The following GALNTL6 variants were observed in gnomAD, a reference collection of about 807,000 sequenced individuals.
GALNTL6 encodes the protein polypeptide N-acetylgalactosaminyltransferase-like 6.
Under a neutral mutation model 73.7 loss-of-function variants are expected in GALNTL6, and 46 were observed. The observed-to-expected ratio is 0.62, with a 90% CI of 0.49 to 0.80. GALNTL6 has a LOEUF of 0.80. Ranked by LOEUF, GALNTL6 falls within the 30% of genes least tolerant of loss-of-function variation. The pLI is 0.00. For missense variants in GALNTL6, 604 were observed against 755.0 expected, an observed-to-expected ratio of 0.80 and a Z score of 2.34; for synonymous variants, 259 against 263.7, an observed-to-expected ratio of 0.98 and a Z score of 0.17.
At chr4:172,095,255 G>C (rs1308173676) in intron 2 of GALNTL6, among the ~76,000 whole-genome samples, 1 of 152,026 alleles carries the variant, frequency 6.6e-6, no homozygotes, top group African/African-American at 2.4e-5. Flanking sequence ...ATCATCTCTA[G>C]GGCTCTGAGG....
chr4:172,197,658 C>G (rs1735816756), intron 2 of GALNTL6, among the ~76,000 whole-genome samples: 1 of 152,260 alleles, frequency 6.6e-6, no homozygotes, highest in Non-Finnish European at 1.5e-5. Flanking sequence ...ATCTAATCTT[C>G]TACAAACCTG....
intron 5 of GALNTL6, among the ~76,000 whole-genome samples, chr4:172,428,152 A>G (rs1731297523): frequency 6.6e-6 from 1 of 152,180 alleles, no homozygotes; most frequent in Admixed American, 6.5e-5. Flanking sequence ...CAAAATTTTT[A>G]GTATAACTAC....
chr4:172,753,551 A>T (rs1361951160), intron 5 of GALNTL6, among the ~76,000 whole-genome samples: 1 of 152,168 alleles, frequency 6.6e-6, no homozygotes, highest in African/African-American at 2.4e-5. Flanking sequence ...TTTTAAGACT[A>T]TTGCAAGATT....
Position 172,483,240 on chromosome 4 carries a change from A to G in GALNTL6, c.553+134551A>G, listed in dbSNP as rs535958158. ...AGAGGTTTCAAAAGAGGCAGAGGTCAGGGGAGGGGATAAGGGAAGCTTTCA... is the reference window on the plus strand; with the variant it reads ...AGAGGTTTCAAAAGAGGCAGAGGTCGGGGGAGGGGATAAGGGAAGCTTTCA... On this transcript the variant is annotated intron_variant, in intron 5 of 12. Transcript: ENST00000506823. Among the ~76,000 whole-genome samples, 140 of 152,278 alleles carry G rather than the reference A, an allele frequency of 9.2e-4. 2 individuals are homozygous for G. The highest frequency in any genetic ancestry group is 3.3e-3 in the African/African-American group (137 of 41,556).
chr4:172,842,427 T>C (rs73000145), intron 7 of GALNTL6, among the ~76,000 whole-genome samples: 3,290 of 152,278 alleles, frequency 0.022, 126 homozygotes, highest in African/African-American at 0.075. Context: ...TTCCTGAAGG[T>C]CTACTAGAGC....
chr4:172,225,366 T>C (rs1199548813), intron 2 of GALNTL6, among the ~76,000 whole-genome samples: 1 of 151,900 alleles, frequency 6.6e-6, no homozygotes, highest in Non-Finnish European at 1.5e-5. Context: ...GCCCTCAATA[T>C]GAAAAAGATT....
At chr4:171,851,465 T>G (rs1735521014) in intron 2 of GALNTL6, among the ~76,000 whole-genome samples, 1 of 152,238 alleles carries the variant, frequency 6.6e-6, no homozygotes, top group African/African-American at 2.4e-5. Flanking sequence ...CCTGAGAGAC[T>G]GTTATATATT....
chr4:172,677,661 A>G (rs1265045161), intron 5 of GALNTL6, among the ~76,000 whole-genome samples: 1 of 152,036 alleles, frequency 6.6e-6, no homozygotes, highest in Non-Finnish European at 1.5e-5. Context: ...GGTGGCCAAC[A>G]CCTGTAATCC....
chr4:172,465,089 CT>C (rs1384591225), intron 5 of GALNTL6, among the ~76,000 whole-genome samples: 1 of 152,146 alleles, frequency 6.6e-6, no homozygotes, highest in Non-Finnish European at 1.5e-5. Context: ...TCTTTGACAT[CT>C]TTTACTTTGT....
At chr4:172,622,626 C>G (rs1458076965) in intron 5 of GALNTL6, among the ~76,000 whole-genome samples, 3 of 152,062 alleles carry the variant, frequency 2.0e-5, no homozygotes, top group Non-Finnish European at 4.4e-5. Flanking sequence ...ATAATATGCT[C>G]CTCTGAAACT....
chr4:172,577,297 G>A (rs1736992100), intron 5 of GALNTL6, among the ~76,000 whole-genome samples: 1 of 152,146 alleles, frequency 6.6e-6, no homozygotes, highest in African/African-American at 2.4e-5. Flanking sequence ...ACATTAATGA[G>A]TCAGAAAGCC....
intron 2 of GALNTL6, among the ~76,000 whole-genome samples, chr4:171,853,281 T>G (rs2110864977): frequency 6.6e-6 from 1 of 152,034 alleles, no homozygotes. Context: ...TTGATGAAAA[T>G]ACAGAAACAG....
At chr4:172,223,598 A>G (rs1736758596) in intron 2 of GALNTL6, among the ~76,000 whole-genome samples, 1 of 151,956 alleles carries the variant, frequency 6.6e-6, no homozygotes, top group Admixed American at 6.6e-5. Context: ...ACATTTTTCT[A>G]AGGGAATTTA....
intron 5 of GALNTL6, among the ~76,000 whole-genome samples, chr4:172,747,776 A>G (rs909537906): frequency 6.6e-6 from 1 of 152,036 alleles, no homozygotes; most frequent in Non-Finnish European, 1.5e-5. Flanking sequence ...AATATCCATC[A>G]AATGATTAAC....
At chr4:172,315,677 G>C (rs2111154043) in intron 4 of GALNTL6, among the ~76,000 whole-genome samples, 1 of 152,102 alleles carries the variant, frequency 6.6e-6, no homozygotes, top group African/African-American at 2.4e-5. Context: ...TCTCTCCTTA[G>C]AACATCTTAT....
chr4:172,431,261 C>T (rs917413724), intron 5 of GALNTL6, among the ~76,000 whole-genome samples: 13 of 152,174 alleles, frequency 8.5e-5, no homozygotes, highest in Middle Eastern at 6.8e-3. Flanking sequence ...CTATTACTTA[C>T]GATGCATTCC....
intron 2 of GALNTL6, among the ~76,000 whole-genome samples, chr4:172,163,883 G>A (rs1179825199): frequency 2.6e-5 from 4 of 151,438 alleles, no homozygotes; most frequent in Non-Finnish European, 5.9e-5. Flanking sequence ...AAAAACATAG[G>A]GTATAAATTA....
chr4:172,145,188 G>C (rs981361059), intron 2 of GALNTL6, among the ~76,000 whole-genome samples: 15 of 151,926 alleles, frequency 9.9e-5, no homozygotes, highest in Admixed American at 6.6e-5. Flanking sequence ...CACCCATGCT[G>C]GAGTGCAGTG....
intron 5 of GALNTL6, among the ~76,000 whole-genome samples, chr4:172,687,352 C>T (rs936095538): frequency 5.3e-5 from 8 of 151,894 alleles, no homozygotes; most frequent in South Asian, 2.1e-4. Flanking sequence ...TTTCTTGGCC[C>T]GGCACGGTGG....
Sources: allele counts gnomAD v4.1 joint callset (sites outside exome capture counted in the v4.1 genomes callset), GRCh38; gene constraint gnomAD v4.1.1; transcripts MANE v1.5; gene names NCBI Gene and HGNC (gene_info 2026-07-23, HGNC 2026-07-21).